The following ZDHHC15 variants were observed in gnomAD, a reference collection of about 807,000 sequenced individuals.
The protein encoded by ZDHHC15 is palmitoyltransferase ZDHHC15.
ZDHHC15 carries 19 observed loss-of-function variants against 31.7 expected under a neutral mutation model. The observed-to-expected ratio is 0.60, with a 90% CI of 0.42 to 0.88. The LOEUF (loss-of-function observed/expected upper bound fraction) is 0.88, where lower values mean the gene tolerates loss of function less well. ZDHHC15 is among the 40% of genes least tolerant of loss of function. ZDHHC15 has a pLI of 0.00. For synonymous variants in ZDHHC15, 103 were observed against 90.0 expected (o/e 1.14, Z -0.82); for missense variants, 209 against 251.2 (o/e 0.83, Z 1.14).
chrX:75,479,183 T>C (rs1338740669), intron 2 of ZDHHC15, among the ~76,000 whole-genome samples, 198 bp from the exon 3 acceptor site: 1 of 111,748 alleles, frequency 8.9e-6, no homozygotes, highest in East Asian at 2.8e-4. Flanking sequence ...AAAGACATTC[T>C]GCAAGTTGCA....
chrX:75,448,969 G>T (rs767711285), intron 4 of ZDHHC15, among the ~76,000 whole-genome samples: 6 of 110,827 alleles, frequency 5.4e-5, no homozygotes, highest in Admixed American at 9.8e-5. Context: ...GAACAAAAAT[G>T]TGGAGGATGA....
rs766215393 is a variant in ZDHHC15, at chrX:75,508,961, G to A, written c.137-3114C>T. ...AAATGTCTTCTTTTGAGAAGTGTCT[G>A]TTCATATCCTTCGCCCACTTTTTGA... On this transcript the variant is annotated intron_variant, in intron 1 of 11. Transcript: ENST00000373367. Among the ~76,000 whole-genome samples the A allele has an allele frequency of 2.7e-5, 3 of 111,102 alleles. No homozygotes were observed. In the East Asian group the frequency reaches 8.5e-4, roughly 31 times the overall value.
Position 75,372,042 on chromosome X carries a change from C to A in ZDHHC15, c.*936G>T, listed in dbSNP as rs1411497616. 1 of 111,745 alleles carries A rather than the reference C, an allele frequency of 8.9e-6. No individual in the cohort carries two copies. Among genetic ancestry groups the A allele is most frequent in the African/African-American group, 3.2e-5 (1 of 30,795 alleles). 9.2% of individuals were successfully genotyped at this position (111,745 alleles called of 1,213,427 possible). ...CTTATGAAAGGCAGTGAAATTAAAC[C>A]TGAAAATCACTCTGAAAACCCTTAA... On this transcript the variant is annotated 3_prime_UTR_variant, in exon 12 of 12. Coordinates refer to ENST00000373367, the MANE Select transcript of ZDHHC15 (RefSeq NM_144969.3).
chrX:75,494,089 A>C (rs2084947363), intron 2 of ZDHHC15, among the ~76,000 whole-genome samples: 1 of 111,931 alleles, frequency 8.9e-6, no homozygotes, highest in Non-Finnish European at 1.9e-5. Context: ...GCAAAGTCTC[A>C]GGATACAAAA....
chrX:75,520,471 G>T (rs892723632), intron 1 of ZDHHC15, among the ~76,000 whole-genome samples: 1 of 111,258 alleles, frequency 9.0e-6, no homozygotes, highest in Admixed American at 9.6e-5. Context: ...ACATTTTCTG[G>T]CACAGAGTAA....
At chrX:75,425,054 G>A (rs1180118842) in intron 7 of ZDHHC15, among the ~76,000 whole-genome samples, 1 of 110,850 alleles carries the variant, frequency 9.0e-6, no homozygotes, top group East Asian at 2.8e-4. Context: ...AAAGGGTAAT[G>A]TGAAAAGGGT....
At chrX:75,437,132 C>G (rs949830231) in intron 4 of ZDHHC15, among the ~76,000 whole-genome samples, 13 of 111,140 alleles carry the variant, frequency 1.2e-4, no homozygotes, top group African/African-American at 3.9e-4. Context: ...CCGCCCGCCC[C>G]GGCCACCCAA....
intron 10 of ZDHHC15, among the ~76,000 whole-genome samples, chrX:75,404,125 GA>G (rs754200541): frequency 2.6e-4 from 29 of 111,655 alleles, no homozygotes; most frequent in Non-Finnish European, 5.1e-4. Context: ...AAACAATGGG[GA>G]AAAGACTCCC....
intron 4 of ZDHHC15, among the ~76,000 whole-genome samples, chrX:75,435,327 CTTTA>C (rs2083836545): frequency 9.0e-6 from 1 of 111,211 alleles, no homozygotes; most frequent in Admixed American, 9.6e-5. Flanking sequence ...TTTGGATGTC[CTTTA>C]TTTCTTTCTC....
intron 4 of ZDHHC15, among the ~76,000 whole-genome samples, chrX:75,435,004 G>T (rs1324275570): frequency 9.0e-6 from 1 of 111,678 alleles, no homozygotes; most frequent in African/African-American, 3.3e-5. Flanking sequence ...CGTTGTCTAT[G>T]ATTTCTTTCA....
chrX:75,380,498 A>T (rs2083102578), intron 10 of ZDHHC15, among the ~76,000 whole-genome samples: 1 of 111,105 alleles, frequency 9.0e-6, no homozygotes. Context: ...GGCACAGAAA[A>T]TTTTTCCTCC....
At chrX:75,429,326 T>C in intron 6 of ZDHHC15, 128 bp from the exon 7 acceptor site, 2 of 805,548 alleles carry the variant, frequency 2.5e-6, no homozygotes, top group Non-Finnish European at 3.4e-6. Flanking sequence ...AAAAGCCCAA[T>C]AGAGATAGAA....
At chrX:75,485,471 G>A (rs1282685223) in intron 2 of ZDHHC15, among the ~76,000 whole-genome samples, 1 of 110,367 alleles carries the variant, frequency 9.1e-6, no homozygotes, top group Non-Finnish European at 1.9e-5. Flanking sequence ...CCTACCATTG[G>A]CTGCACTGTG....
At chrX:75,503,643 G>A (rs775099865) in intron 2 of ZDHHC15, among the ~76,000 whole-genome samples, 3 of 111,031 alleles carry the variant, frequency 2.7e-5, no homozygotes, top group African/African-American at 3.3e-5. Context: ...ATCCGAGGTA[G>A]ATCTAACACC....
At chrX:75,464,568 A>C (rs1213877157) in intron 3 of ZDHHC15, among the ~76,000 whole-genome samples, 6 of 111,892 alleles carry the variant, frequency 5.4e-5, no homozygotes, top group Non-Finnish European at 1.1e-4. Flanking sequence ...CCTCAATAAA[A>C]TACTGGCATA....
intron 3 of ZDHHC15, among the ~76,000 whole-genome samples, chrX:75,457,541 A>G (rs1235937770): frequency 1.8e-5 from 2 of 110,272 alleles, no homozygotes; most frequent in Admixed American, 2.0e-4. Flanking sequence ...TGCTAAATAT[A>G]TGCCTGTCTT....
At chrX:75,384,276 TG>T (rs2147764206) in intron 10 of ZDHHC15, 2 of 545,766 alleles carry the variant, frequency 3.7e-6, no homozygotes, top group East Asian at 6.9e-5. Flanking sequence ...CAAGGTATCT[TG>T]AATTCCTATA....
intron 4 of ZDHHC15, among the ~76,000 whole-genome samples, chrX:75,438,383 C>A (rs2083892122): frequency 9.0e-6 from 1 of 111,674 alleles, no homozygotes; most frequent in Admixed American, 9.5e-5. Flanking sequence ...GTGATATTTT[C>A]CTGTTTAACT....
At chrX:75,495,581 C>T (rs1047278980) in intron 2 of ZDHHC15, among the ~76,000 whole-genome samples, 1 of 110,716 alleles carries the variant, frequency 9.0e-6, no homozygotes, top group Non-Finnish European at 1.9e-5. Context: ...CACATACACA[C>T]CATGGAATAC....
Sources: gnomAD v4.1 joint callset for allele counts (sites outside exome capture counted in the v4.1 genomes callset) on GRCh38, gnomAD v4.1.1 for gene constraint, MANE v1.5 for transcripts, NCBI Gene and HGNC (gene_info 2026-07-23, HGNC 2026-07-21) for gene names.